Variants in FAM118A observed in about 807,000 individuals in gnomAD.
FAM118A encodes protein FAM118A.
In FAM118A, 25 loss-of-function variants were observed where a neutral mutation model predicts 38.2. That is an observed-to-expected ratio of 0.65 (90% CI 0.48 to 0.91). FAM118A has a LOEUF of 0.91. Among genes scored for constraint, FAM118A ranks in the 40% least tolerant of loss-of-function variants. The pLI, the probability that FAM118A is intolerant of heterozygous loss-of-function variation, is 0.00. For missense variants in FAM118A, 425 were observed against 463.3 expected (o/e 0.92, Z 0.76); for synonymous variants, 178 against 184.1 (o/e 0.97, Z 0.27).
chr22:45,314,870 G>A (rs981843555), intron 1 of FAM118A, among the ~76,000 whole-genome samples: 1 of 152,212 alleles, frequency 6.6e-6, no homozygotes, highest in African/African-American at 2.4e-5. Flanking sequence ...ATATTTGTTT[G>A]CCATTTCAAG....
chr22:45,337,135 C>T (rs533406377), intron 8 of FAM118A, among the ~76,000 whole-genome samples: 31 of 152,320 alleles, frequency 2.0e-4, no homozygotes, highest in Middle Eastern at 3.4e-3. Flanking sequence ...CTTCCCCACA[C>T]GAAGCCTGGG....
intron 8 of FAM118A, among the ~76,000 whole-genome samples, chr22:45,337,142 T>A (rs1174531220): frequency 2.0e-5 from 3 of 152,144 alleles, no homozygotes; most frequent in African/African-American, 7.2e-5. Context: ...ACACGAAGCC[T>A]GGGCTGGATG....
intron 8 of FAM118A, among the ~76,000 whole-genome samples, chr22:45,340,167 G>C (rs1387802889): frequency 6.6e-6 from 1 of 152,204 alleles, no homozygotes; most frequent in Non-Finnish European, 1.5e-5. Flanking sequence ...ACAGATCGTT[G>C]CAAATGTAAT....
Position 45,327,883 on chromosome 22 carries a change from G to T in FAM118A, c.342G>T (p.Leu114=). 6.2e-7 allele frequency: 1 copy of T among 1,614,254 alleles called. No individual in the cohort carries two copies. The highest frequency in any genetic ancestry group is 1.1e-5 in the South Asian group (1 of 91,090). ...DAKPSFFQDC[L]MEVFDDLEQH... ...AGCCCAGCTTCTTCCAGGACTGCCTGATGGAGGTGTTTGACGACCTGGAGC... is the reference window on the plus strand; with the variant it reads ...AGCCCAGCTTCTTCCAGGACTGCCTTATGGAGGTGTTTGACGACCTGGAGC... Residue 114 remains leucine (L), a synonymous_variant, in exon 4 of 9, where the codon CTG becomes CTT. Transcript: ENST00000441876.
At chr22:45,336,205 A>G (rs1255596750) in intron 7 of FAM118A, 123 bp from the exon 8 acceptor site, 1 of 653,482 alleles carries the variant, frequency 1.5e-6, no homozygotes, top group Non-Finnish European at 2.6e-6. Context: ...AGCGTGGTTG[A>G]TGTCATCTCT....
At chr22:45,331,393 A>G (rs1212629569) in intron 5 of FAM118A, among the ~76,000 whole-genome samples, 1 of 152,190 alleles carries the variant, frequency 6.6e-6, no homozygotes, top group Non-Finnish European at 1.5e-5. Flanking sequence ...TTCTTCTTAA[A>G]TAGACAGGGT....
intron 3 of FAM118A, among the ~76,000 whole-genome samples, chr22:45,324,995 C>T (rs1372250020): frequency 6.6e-6 from 1 of 152,170 alleles, no homozygotes; most frequent in Non-Finnish European, 1.5e-5. Flanking sequence ...TGCAATGAAC[C>T]AAGATTGTGC....
At chr22:45,315,218 A>T (rs533001283) in intron 1 of FAM118A, among the ~76,000 whole-genome samples, 1 of 152,268 alleles carries the variant, frequency 6.6e-6, no homozygotes, top group Non-Finnish European at 1.5e-5. Context: ...GTTTGGTGGG[A>T]CTGGTTTCAG....
intron 4 of FAM118A, chr22:45,329,077 G>T (rs1164468394): frequency 6.5e-6 from 1 of 152,834 alleles, no homozygotes. Flanking sequence ...CGTGATCCAA[G>T]CACCTCCCAC....
chr22:45,337,919 G>C, intron 8 of FAM118A: 2 of 985,128 alleles, frequency 2.0e-6, no homozygotes, highest in Non-Finnish European at 2.4e-6. Context: ...CTGAAGACCA[G>C]GTTTCCTATG....
At chr22:45,322,641 A>G (rs905859823) in intron 2 of FAM118A, among the ~76,000 whole-genome samples, 1 of 152,202 alleles carries the variant, frequency 6.6e-6, no homozygotes, top group African/African-American at 2.4e-5. Context: ...ACCAAGCAAC[A>G]TGTCATTAGA....
rs1327035156 is a variant in FAM118A, at chr22:45,340,969, ATTT to A, written c.*569_*571del. ...AGGCGTCCACCACCATGCCCAGCTA[ATTT>A]TTTTATTTTTAGTAGAGTTGGAGTT... On this transcript the variant is annotated 3_prime_UTR_variant, in exon 9 of 9. Coordinates refer to ENST00000441876, the MANE Select transcript of FAM118A (RefSeq NM_017911.4). 6.6e-6 allele frequency: 1 copy of A among 152,198 alleles called. No individual in the cohort carries two copies. Among genetic ancestry groups the A allele is most frequent in the African/African-American group, 2.4e-5 (1 of 41,336 alleles). The allele number at this position is 152,198 out of a possible 1,614,324, so 9.4% of individuals were successfully genotyped here.
intron 7 of FAM118A, 135 bp downstream of exon 7, chr22:45,335,517 G>A: frequency 1.0e-6 from 1 of 984,524 alleles, no homozygotes; most frequent in Non-Finnish European, 1.5e-6. Context: ...CCCCACTGAA[G>A]ATGATAAATA....
intron 3 of FAM118A, among the ~76,000 whole-genome samples, chr22:45,323,980 T>TCAGCTA (rs1440125128): frequency 1.3e-5 from 2 of 152,218 alleles, no homozygotes; most frequent in African/African-American, 4.8e-5. Context: ...GTTGTCCCCG[T>TCAGCTA]CAGCTATGGC....
intron 1 of FAM118A, among the ~76,000 whole-genome samples, chr22:45,314,678 C>T (rs967731088): frequency 6.6e-6 from 1 of 152,196 alleles, no homozygotes; most frequent in Admixed American, 6.5e-5. Flanking sequence ...CTTACGTATC[C>T]TCTTGAGGTG....
intron 3 of FAM118A, among the ~76,000 whole-genome samples, chr22:45,325,168 C>T (rs997827951): frequency 3.3e-5 from 5 of 152,142 alleles, no homozygotes; most frequent in African/African-American, 1.2e-4. Flanking sequence ...ACTGAGGGCC[C>T]TTGTTGTCCT....
chr22:45,330,378 C>G (rs970713403), intron 4 of FAM118A: 2 of 307,200 alleles, frequency 6.5e-6, no homozygotes, highest in East Asian at 6.0e-5. Context: ...AGCCGATCCT[C>G]TCTCAGGTTT....
intron 1 of FAM118A, among the ~76,000 whole-genome samples, chr22:45,318,246 T>C (rs943205858): frequency 2.0e-5 from 3 of 152,082 alleles, no homozygotes; most frequent in Non-Finnish European, 4.4e-5. Context: ...AGACAGGAAC[T>C]GCTTATAAGA....
chr22:45,334,808 C>T (rs2085971272), intron 6 of FAM118A, among the ~76,000 whole-genome samples: 1 of 152,184 alleles, frequency 6.6e-6, no homozygotes, highest in Admixed American at 6.5e-5. Flanking sequence ...AGGCAGCGGG[C>T]TTTTCTCATC....
Sources: gnomAD v4.1 joint callset for allele counts (sites outside exome capture counted in the v4.1 genomes callset) on GRCh38, gnomAD v4.1.1 for gene constraint, MANE v1.5 for transcripts, NCBI Gene and HGNC (gene_info 2026-07-23, HGNC 2026-07-21) for gene names.